The following USP33 variants were observed in gnomAD, a reference collection of about 807,000 sequenced individuals.
USP33 encodes the protein ubiquitin specific peptidase 33.
A neutral mutation model predicts 124.2 loss-of-function variants in USP33; 46 were observed. The ratio of observed to expected loss-of-function variants is 0.37; its 90% CI spans 0.29 to 0.47. USP33 has a LOEUF of 0.47. USP33 is among the 20% of genes least tolerant of loss of function. USP33 has a pLI of 0.99. For synonymous variants in USP33, 350 were observed against 352.3 expected (o/e 0.99, Z 0.07); for missense variants, 851 against 1,070.6 (o/e 0.79, Z 2.86).
chr1:77,715,861 G>A lies in USP33; in HGVS notation c.1926C>T (p.His642=), dbSNP rs751904876. 1 of 1,611,312 alleles carries A rather than the reference G, an allele frequency of 6.2e-7. No individual in the cohort carries two copies. Among genetic ancestry groups the A allele is most frequent in the Non-Finnish European group, 8.5e-7 (1 of 1,179,312 alleles). Residue 642 remains histidine, a synonymous_variant, in exon 18 of 24, where the codon CAC becomes CAT. Transcript: ENST00000370794. ...ICHHGTASSG[H]YIAYCRNNLN... Reference sequence around the variant, plus strand: ...GATTGTTTCGGCAGTAGGCTATATAGTGTCCACCTGAATTTGAGGGAAAAG... The same window carrying A: ...GATTGTTTCGGCAGTAGGCTATATAATGTCCACCTGAATTTGAGGGAAAAG...
chr1:77,744,363 TA>T (rs1679502819), intron 1 of USP33, among the ~76,000 whole-genome samples: 1 of 152,046 alleles, frequency 6.6e-6, no homozygotes, highest in East Asian at 1.9e-4. Context: ...AGAACAAAGA[TA>T]GACTAAATCT....
intron 21 of USP33, among the ~76,000 whole-genome samples, chr1:77,708,401 C>CA (rs1312832166): frequency 1.3e-5 from 2 of 152,166 alleles, no homozygotes; most frequent in Non-Finnish European, 2.9e-5. Flanking sequence ...AAGCATCTTC[C>CA]AAAGAATCCA....
intron 21 of USP33, 64 bp downstream of exon 21, chr1:77,711,683 A>T (rs1356071636): frequency 1.3e-6 from 2 of 1,568,806 alleles, no homozygotes; most frequent in Non-Finnish European, 1.7e-6. Flanking sequence ...ATATCATATA[A>T]CTCTGATAAT....
intron 1 of USP33, among the ~76,000 whole-genome samples, chr1:77,754,619 A>G (rs533911220): frequency 2.8e-4 from 43 of 152,322 alleles, no homozygotes; most frequent in African/African-American, 1.0e-3. Context: ...GTCCTATAAT[A>G]CTTACCTAAT....
At chr1:77,753,235 A>C (rs558566889) in intron 1 of USP33, among the ~76,000 whole-genome samples, 16 of 152,286 alleles carry the variant, frequency 1.1e-4, no homozygotes, top group Non-Finnish European at 1.9e-4. Context: ...TTGAAGAAGT[A>C]GCAATTCCTA....
At chr1:77,751,511 C>G (rs1347662899) in intron 1 of USP33, among the ~76,000 whole-genome samples, 2 of 151,898 alleles carry the variant, frequency 1.3e-5, no homozygotes, top group Non-Finnish European at 2.9e-5. Flanking sequence ...ACAAAAATTA[C>G]CCAGGCCTGG....
Position 77,697,912 on chromosome 1 carries a change from G to A in USP33, c.2529C>T (p.Asp843=), listed in dbSNP as rs767941924. ...GKDGDPPGPI[D]NTKIAVTKCG... is the part of the protein sequence containing the mutation. ...ATTTAGTGACTGCAATCTTAGTATT[G>A]TCAATAGGACCTGGAGGATCTAAAG... The change falls in exon 23 of 24, where the codon GAC becomes GAT. Residue 843 remains aspartate (D), a synonymous_variant. Transcript: ENST00000370794. The A allele has an allele frequency of 5.0e-6, 8 of 1,609,694 alleles. No individual in the cohort carries two copies. Among genetic ancestry groups the A allele is most frequent in the Non-Finnish European group, 5.9e-6 (7 of 1,178,740 alleles).
At position 77,752,043 on chromosome 1, in the gene USP33, G is replaced by C. The variant is rs544042005; in HGVS notation, c.-52+7600C>G. ...TTCGTAGTACAATCTCCAAATTCCA[G>C]GTTGAAATTCTGACCCCTTATCCTA... On this transcript the variant is annotated intron_variant, in intron 1 of 23. Transcript: ENST00000370794. Among the ~76,000 whole-genome samples, 130 of 152,044 alleles carry C rather than the reference G, an allele frequency of 8.6e-4. 5 individuals are homozygous for C. In the South Asian group the frequency reaches 0.026, roughly 30 times the overall value.
At chr1:77,720,802 G>A (rs1676484417) in intron 15 of USP33, among the ~76,000 whole-genome samples, 1 of 152,162 alleles carries the variant, frequency 6.6e-6, no homozygotes, top group Admixed American at 6.5e-5. Context: ...AGATAACATC[G>A]AAGTCGGTAT....
chr1:77,722,235 A>AACAT, intron 12 of USP33, 39 bp from the exon 13 acceptor site: 1 of 1,539,894 alleles, frequency 6.5e-7, no homozygotes, highest in Admixed American at 2.0e-5. Context: ...GATGAACATA[A>AACAT]TGCAGTAAAA....
At chr1:77,700,697 C>CTTTT (rs534786658) in intron 22 of USP33, among the ~76,000 whole-genome samples, 1 of 132,152 alleles carries the variant, frequency 7.6e-6, no homozygotes, top group African/African-American at 2.8e-5. Flanking sequence ...ATATCAGAAT[C>CTTTT]TTTTTTTTTT....
At chr1:77,723,097 C>T (rs370461556) in intron 12 of USP33, among the ~76,000 whole-genome samples, 1 of 152,094 alleles carries the variant, frequency 6.6e-6, no homozygotes, top group African/African-American at 2.4e-5. Flanking sequence ...AAATAGATGA[C>T]GAAGGATAAT....
At chr1:77,731,839 C>A (rs1049668357) in intron 7 of USP33, among the ~76,000 whole-genome samples, 1 of 152,174 alleles carries the variant, frequency 6.6e-6, no homozygotes, top group South Asian at 2.1e-4. Flanking sequence ...CATGGTTGGT[C>A]ATGCCTGTAA....
rs777977424 is a variant in USP33, at chr1:77,702,177, AC to A, written c.2407-707del. ...AAAAAAAAAAAAAAAAAAAAAAAAA[AC>A]CAGTGGTACAGTAAGATGTATGCTA... On this transcript the variant is annotated intron_variant, in intron 21 of 23. Coordinates refer to ENST00000370794, the MANE Select transcript of USP33 (RefSeq NM_201624.3). 8.2e-5 allele frequency among the ~76,000 whole-genome samples: 10 copies of A among 121,706 alleles called. 1 individual carries two copies. Among genetic ancestry groups the A allele is most frequent in the Admixed American group, 2.4e-4 (3 of 12,292 alleles). 79.8% of individuals were successfully genotyped at this position (121,706 alleles called of 152,430 possible). A position where few individuals can be genotyped will look rare whatever the true frequency, so the allele number is the denominator to read the frequency against.
At chr1:77,724,897 C>A (rs149977407) in intron 11 of USP33, among the ~76,000 whole-genome samples, 1 of 151,970 alleles carries the variant, frequency 6.6e-6, no homozygotes, top group Non-Finnish European at 1.5e-5. Flanking sequence ...AAAAAATTAG[C>A]CAGGCATGGT....
At chr1:77,757,528 G>A (rs1478159700) in intron 1 of USP33, among the ~76,000 whole-genome samples, 2 of 152,308 alleles carry the variant, frequency 1.3e-5, no homozygotes, top group East Asian at 1.9e-4. Context: ...TGTTCCTGCA[G>A]ACACATGTAC....
rs761241567 is a variant in USP33 at position 77,701,374 on chromosome 1, T to A, written c.2504A>T (p.Asp835Val). The A allele has an allele frequency of 6.2e-7, 1 of 1,608,130 alleles. No homozygotes were observed. Among genetic ancestry groups the A allele is most frequent in the East Asian group, 2.2e-5 (1 of 44,772 alleles). ...TTTTTCAGTCAACCACTTACCTCCA[T>A]CTTTACCCTTCACAAAACTTTCCCA... is the stretch of plus-strand genomic sequence containing the variant. ...REWESFVKGK[D>V]GDPPGPIDNT... Residue 835 changes from aspartate to valine, a missense_variant, in exon 22 of 24, where the codon GAT becomes GTT. Transcript: ENST00000370794.
chr1:77,707,149 G>A (rs1674721392), intron 21 of USP33, among the ~76,000 whole-genome samples: 1 of 152,224 alleles, frequency 6.6e-6, no homozygotes, highest in Non-Finnish European at 1.5e-5. Flanking sequence ...TACCCACTGT[G>A]TTAGTTTCAG....
At chr1:77,714,481 T>C (rs923177393) in intron 19 of USP33, 133 bp downstream of exon 19, 1 of 870,376 alleles carries the variant, frequency 1.1e-6, no homozygotes, top group Non-Finnish European at 1.8e-6. Flanking sequence ...CCATATGGAA[T>C]TAAAACACAT....
Sources: allele counts gnomAD v4.1 joint callset (sites outside exome capture counted in the v4.1 genomes callset), GRCh38; gene constraint gnomAD v4.1.1; transcripts MANE v1.5; gene names NCBI Gene and HGNC (gene_info 2026-07-23, HGNC 2026-07-21).